COX6B1: variants seen among roughly 807,000 people sequenced by gnomAD.
The protein encoded by COX6B1 is cytochrome c oxidase subunit 6B1.
Under a neutral mutation model 14.0 loss-of-function variants are expected in COX6B1, and 2 were observed. The ratio of observed to expected loss-of-function variants is 0.14; its 90% confidence interval spans 0.06 to 0.45. The LOEUF (loss-of-function observed/expected upper bound fraction) is 0.45, where lower values mean the gene tolerates loss of function less well. Ranked by LOEUF, COX6B1 falls within the 20% of genes least tolerant of loss-of-function variation. The pLI is 0.98. For synonymous variants in COX6B1, 30 were observed against 39.7 expected (o/e 0.76, Z 0.92); for missense variants, 81 against 114.2 (o/e 0.71, Z 1.33).
intron 3 of COX6B1, among the ~76,000 whole-genome samples, chr19:35,655,991 C>T (rs577282350): frequency 5.3e-4 from 80 of 152,152 alleles, no homozygotes; most frequent in African/African-American, 1.8e-3. Context: ...ACACCTGGCC[C>T]AATTTTTGTA....
intron 3 of COX6B1, among the ~76,000 whole-genome samples, chr19:35,657,361 G>A (rs1248128242): frequency 1.3e-5 from 2 of 152,008 alleles, no homozygotes; most frequent in East Asian, 3.9e-4. Flanking sequence ...GACAGGAGGT[G>A]GAACTCAGGC....
At chr19:35,658,495 G>A in intron 3 of COX6B1, 99 bp from the exon 4 acceptor site, 1 of 1,024,642 alleles carries the variant, frequency 9.8e-7, no homozygotes, top group Admixed American at 1.8e-5. Flanking sequence ...AGGTACCTGT[G>A]GATATTGGTT....
At chr19:35,656,758 G>A (rs576563832) in intron 3 of COX6B1, among the ~76,000 whole-genome samples, 5 of 152,286 alleles carry the variant, frequency 3.3e-5, no homozygotes, top group South Asian at 4.1e-4. Flanking sequence ...TGGGATTACC[G>A]GCGTGAGCCA....
At chr19:35,650,319 A>AT (rs1967811194) in intron 1 of COX6B1, among the ~76,000 whole-genome samples, 1 of 152,210 alleles carries the variant, frequency 6.6e-6, no homozygotes, top group Admixed American at 6.6e-5. Context: ...GTATTCCTTA[A>AT]TGAATCCTCA....
intron 3 of COX6B1, among the ~76,000 whole-genome samples, chr19:35,655,621 TAAAA>T (rs58512153): frequency 3.4e-5 from 5 of 146,176 alleles, no homozygotes; most frequent in African/African-American, 1.3e-4. Context: ...GCCCTTTGTT[TAAAA>T]AAAAAAAAAA....
intron 3 of COX6B1, 85 bp from the exon 4 acceptor site, chr19:35,658,509 C>A: frequency 3.2e-6 from 4 of 1,268,742 alleles, no homozygotes; most frequent in Non-Finnish European, 4.6e-6. Flanking sequence ...ATTGGTTGAA[C>A]AAACAGGTGG....
intron 3 of COX6B1, among the ~76,000 whole-genome samples, chr19:35,655,218 C>T (rs1011172685): frequency 6.6e-6 from 1 of 151,882 alleles, no homozygotes; most frequent in East Asian, 1.9e-4. Context: ...TTAATAGAAA[C>T]GGGGTTTCAC....
In COX6B1 at chr19:35,650,176, A is replaced by G. The variant is rs985448725; in HGVS notation, c.-11-1057A>G. Among the ~76,000 whole-genome samples, 5 of 148,488 alleles carry G rather than the reference A, an allele frequency of 3.4e-5. No individual in the cohort carries two copies. The East Asian group carries it at 1.0e-3, about 31-fold the overall frequency. ...CTGCCACCACACCCAGCTGATTTTT[A>G]TATTTTTAGTAGAGCCAGGGTTTCA... On this transcript the variant is annotated intron_variant, in intron 1 of 3. Coordinates refer to ENST00000649813, the MANE Select transcript of COX6B1 (RefSeq NM_001863.5).
At chr19:35,653,885 A>T (rs1473021606) in intron 2 of COX6B1, among the ~76,000 whole-genome samples, 1 of 150,872 alleles carries the variant, frequency 6.6e-6, no homozygotes, top group Non-Finnish European at 1.5e-5. Context: ...TGTATTTTTA[A>T]TAGAGACAGG....
chr19:35,656,382 A>G (rs1486961947), intron 3 of COX6B1, among the ~76,000 whole-genome samples: 1 of 152,112 alleles, frequency 6.6e-6, no homozygotes, highest in Non-Finnish European at 1.5e-5. Context: ...GTAGGAGTCA[A>G]TTTGCAAGGA....
At chr19:35,649,678 C>T (rs193196169) in intron 1 of COX6B1, among the ~76,000 whole-genome samples, 2 of 152,212 alleles carry the variant, frequency 1.3e-5, no homozygotes, top group Admixed American at 1.3e-4. Flanking sequence ...TGGGGTTTCA[C>T]CATATTGGCC....
At chr19:35,649,417 C>G (rs1967799411) in intron 1 of COX6B1, among the ~76,000 whole-genome samples, 1 of 151,852 alleles carries the variant, frequency 6.6e-6, no homozygotes, top group Non-Finnish European at 1.5e-5. Flanking sequence ...CTTCCCTGTG[C>G]AAGCGATCCT....
At chr19:35,653,332 GTACAA>G (rs1967850847) in intron 2 of COX6B1, among the ~76,000 whole-genome samples, 9 of 150,400 alleles carry the variant, frequency 6.0e-5, no homozygotes, top group South Asian at 2.1e-4. Flanking sequence ...GAGTGCAGTG[GTACAA>G]CCTTGGCTCA....
chr19:35,657,941 G>A (rs899553054), intron 3 of COX6B1, among the ~76,000 whole-genome samples: 4 of 152,100 alleles, frequency 2.6e-5, no homozygotes, highest in African/African-American at 9.7e-5. Context: ...ATAGGCGTGA[G>A]CCACCATGCC....
chr19:35,652,021 C>T (rs1265728266), intron 2 of COX6B1, among the ~76,000 whole-genome samples: 2 of 150,818 alleles, frequency 1.3e-5, no homozygotes, highest in Non-Finnish European at 3.0e-5. Flanking sequence ...ACACTCTCAT[C>T]TCCCTGCCTT....
At chr19:35,654,321 A>G (rs1418776807) in intron 2 of COX6B1, among the ~76,000 whole-genome samples, 1 of 152,172 alleles carries the variant, frequency 6.6e-6, no homozygotes, top group South Asian at 2.1e-4. Context: ...CCTGGCCAAC[A>G]TGGCGAAACC....
chr19:35,648,581 A>G (rs1471698037), intron 1 of COX6B1, 178 bp downstream of exon 1: 3 of 336,590 alleles, frequency 8.9e-6, no homozygotes, highest in Non-Finnish European at 1.8e-5. Flanking sequence ...CCTTGATGCC[A>G]GGCAACATCC....
intron 3 of COX6B1, among the ~76,000 whole-genome samples, chr19:35,657,264 A>G (rs1642193956): frequency 6.6e-6 from 1 of 151,814 alleles, no homozygotes; most frequent in East Asian, 1.9e-4. Flanking sequence ...TTAGATTCTC[A>G]TAAGGATCAT....
At chr19:35,650,955 C>T (rs967993035) in intron 1 of COX6B1, among the ~76,000 whole-genome samples, 4 of 152,114 alleles carry the variant, frequency 2.6e-5, no homozygotes, top group African/African-American at 9.7e-5. Flanking sequence ...GTGTGTAGAA[C>T]AGCGCCTGGC....
Sources: allele counts gnomAD v4.1 joint callset (sites outside exome capture counted in the v4.1 genomes callset), GRCh38; gene constraint gnomAD v4.1.1; transcripts MANE v1.5; gene names NCBI Gene and HGNC (gene_info 2026-07-23, HGNC 2026-07-21).